The following SP100 variants were observed in gnomAD, a reference collection of about 807,000 sequenced individuals.
SP100 encodes SP100 nuclear body protein.
In SP100, 84 loss-of-function variants were observed where a neutral mutation model predicts 130.0. The observed-to-expected ratio is 0.65, with a 90% CI of 0.54 to 0.77. SP100 has a LOEUF of 0.77. SP100 is among the 30% of genes least tolerant of loss of function. The pLI is 0.00. For missense variants in SP100, 978 were observed against 1,052.2 expected (o/e 0.93, Z 0.97); for synonymous variants, 331 against 351.7 (o/e 0.94, Z 0.66).
intron 17 of SP100, among the ~76,000 whole-genome samples, chr2:230,477,893 C>G (rs193151683): frequency 6.8e-6 from 1 of 148,130 alleles, no homozygotes; most frequent in African/African-American, 2.5e-5. Flanking sequence ...TGAGACTGCA[C>G]CACTGCACCC....
At chr2:230,530,045 C>G (rs562219211) in intron 24 of SP100, among the ~76,000 whole-genome samples, 47 of 152,288 alleles carry the variant, frequency 3.1e-4, no homozygotes, top group African/African-American at 1.1e-3. Flanking sequence ...CATCAAGCTA[C>G]CACTGACTTT....
chr2:230,421,745 A>T (rs2062774603), intron 2 of SP100, among the ~76,000 whole-genome samples: 1 of 151,868 alleles, frequency 6.6e-6, no homozygotes, highest in Non-Finnish European at 1.5e-5. Context: ...TTTCTATGTC[A>T]CCTGTTTTGC....
At chr2:230,420,132 G>C (rs2062727438) in intron 2 of SP100, among the ~76,000 whole-genome samples, 1 of 152,134 alleles carries the variant, frequency 6.6e-6, no homozygotes, top group Admixed American at 6.5e-5. Context: ...TTAGTTCTAG[G>C]CATTTTAAAA....
In SP100 at chr2:230,545,086, A is replaced by C. The variant is rs187236181; in HGVS notation, c.*2140A>C. ...ACCCAGCAATCCCATTACTGGGTAC[A>C]TACCCAGAGGAATATAAATCATTCT... On this transcript the variant is annotated 3_prime_UTR_variant, in exon 29 of 29. Coordinates refer to ENST00000340126, the MANE Select transcript of SP100 (RefSeq NM_001080391.2). Among the ~76,000 whole-genome samples the C allele has an allele frequency of 2.0e-5, 3 of 152,378 alleles. No homozygotes were observed. Among genetic ancestry groups the C allele is most frequent in the East Asian group, 3.9e-4 (2 of 5,192 alleles).
At chr2:230,463,230 A>G (rs1443156437) in intron 10 of SP100, among the ~76,000 whole-genome samples, 2 of 152,240 alleles carry the variant, frequency 1.3e-5, no homozygotes, top group East Asian at 3.8e-4. Context: ...GAAAGACAAG[A>G]CTAGCATCCT....
chr2:230,537,373 G>A (rs2150114114), intron 24 of SP100, among the ~76,000 whole-genome samples: 1 of 152,286 alleles, frequency 6.6e-6, no homozygotes, highest in South Asian at 2.1e-4. Flanking sequence ...GCAAGATCTA[G>A]ATCAATCCAC....
chr2:230,538,957 C>T (rs1692056658), intron 24 of SP100: 2 of 245,028 alleles, frequency 8.2e-6, no homozygotes, highest in Non-Finnish European at 1.7e-5. Flanking sequence ...AGAAAAGACA[C>T]TATTTCTGGG....
chr2:230,450,532 TTATTAAC>T (rs2063927633), intron 8 of SP100, among the ~76,000 whole-genome samples: 1 of 152,200 alleles, frequency 6.6e-6, no homozygotes, highest in Non-Finnish European at 1.5e-5. Flanking sequence ...TAAGAATACA[TTATTAAC>T]TATATTAATC....
At chr2:230,461,049 A>G (rs1359857499) in intron 8 of SP100, among the ~76,000 whole-genome samples, 1 of 152,180 alleles carries the variant, frequency 6.6e-6, no homozygotes, top group African/African-American at 2.4e-5. Context: ...TTAACCATCA[A>G]AGAATGAGAC....
chr2:230,506,539 A>T, intron 22 of SP100, 94 bp downstream of exon 22: 1 of 1,279,202 alleles, frequency 7.8e-7, no homozygotes, highest in Non-Finnish European at 1.1e-6. Context: ...CCAGAAATTC[A>T]TCATGACTTC....
intron 19 of SP100, among the ~76,000 whole-genome samples, chr2:230,500,302 C>T (rs541415369): frequency 6.6e-6 from 1 of 152,224 alleles, no homozygotes; most frequent in African/African-American, 2.4e-5. Context: ...CTGGAGCCAG[C>T]GAACACACAA....
intron 17 of SP100, among the ~76,000 whole-genome samples, chr2:230,479,731 T>C (rs2065746056): frequency 6.6e-6 from 1 of 152,206 alleles, no homozygotes; most frequent in African/African-American, 2.4e-5. Flanking sequence ...GATGCCAAGA[T>C]TTTGAGAGAT....
intron 24 of SP100, among the ~76,000 whole-genome samples, chr2:230,522,242 G>A (rs560777527): frequency 6.6e-6 from 1 of 152,162 alleles, no homozygotes; most frequent in African/African-American, 2.4e-5. Context: ...ATGGATCATT[G>A]TGTTTTGGTG....
chr2:230,469,101 G>A lies in SP100; in HGVS notation c.1345+5G>A, dbSNP rs1331337133. 1.3e-6 allele frequency: 2 copies of A among 1,581,274 alleles called. No individual in the cohort carries two copies. The highest frequency in any genetic ancestry group is 1.7e-6 in the Non-Finnish European group (2 of 1,152,842). ...GAATACCCAGCAGGAAGAGACGTAA[G>A]AGCAATTAAAAACTCTTGATGTAAC... On this transcript the variant is annotated splice_donor_5th_base_variant and intron_variant, in intron 14 of 28. Transcript: ENST00000340126.
At chr2:230,511,306 G>T in intron 24 of SP100, 140 bp downstream of exon 24, 1 of 695,988 alleles carries the variant, frequency 1.4e-6, no homozygotes, top group East Asian at 2.6e-5. Context: ...ATGCAAGCCA[G>T]GTACCTGGGT....
intron 2 of SP100, among the ~76,000 whole-genome samples, chr2:230,434,852 G>A (rs1004354357): frequency 2.6e-5 from 4 of 152,142 alleles, no homozygotes; most frequent in Non-Finnish European, 5.9e-5. Context: ...GCAGAGGCGA[G>A]TGTGGCCCGA....
rs533981841 is a variant in SP100, at chr2:230,531,480, G to A, written c.2095-7787G>A. Among the ~76,000 whole-genome samples, 11 of 152,046 alleles carry A rather than the reference G, an allele frequency of 7.2e-5. No homozygotes were observed. The South Asian group carries it at 1.9e-3, about 26-fold the overall frequency. On this transcript the variant is annotated intron_variant, in intron 24 of 28. Coordinates refer to ENST00000340126, the MANE Select transcript of SP100 (RefSeq NM_001080391.2). ...AAATGCTAAAACCAACATGGCACAT[G>A]TATACCTATATAACAAACCTGCACG...
intron 2 of SP100, among the ~76,000 whole-genome samples, chr2:230,421,931 C>T (rs1367700934): frequency 2.0e-5 from 3 of 152,012 alleles, no homozygotes; most frequent in Non-Finnish European, 4.4e-5. Context: ...TGAATAGTTT[C>T]TCCCTTCTGC....
intron 24 of SP100, chr2:230,520,620 G>A (rs1341223277): frequency 6.6e-6 from 1 of 152,188 alleles, no homozygotes; most frequent in Non-Finnish European, 1.5e-5. Flanking sequence ...TGTCGTCCAG[G>A]GAGGTCACTC....
Sources: gnomAD v4.1 joint callset for allele counts (sites outside exome capture counted in the v4.1 genomes callset) on GRCh38, gnomAD v4.1.1 for gene constraint, MANE v1.5 for transcripts, NCBI Gene and HGNC (gene_info 2026-07-23, HGNC 2026-07-21) for gene names.